Variants in CLASP1 observed in about 807,000 individuals in gnomAD.
The protein encoded by CLASP1 is cytoplasmic linker associated protein 1.
Under a neutral mutation model 192.3 loss-of-function variants are expected in CLASP1, and 38 were observed. The observed-to-expected ratio is 0.20, with a 90% CI of 0.15 to 0.26. The LOEUF is 0.26. Ranked by LOEUF, CLASP1 falls within the 10% of genes least tolerant of loss-of-function variation. The probability of loss-of-function intolerance (pLI) is 1.00; values close to 1 mark genes in which losing one functional copy is unlikely to be tolerated. For synonymous variants in CLASP1, 691 were observed against 712.8 expected, an observed-to-expected ratio of 0.97 and a Z score of 0.49; for missense variants, 1,433 against 1,932.5, an observed-to-expected ratio of 0.74 and a Z score of 4.85.
chr2:121,365,025 CA>C lies in CLASP1; in HGVS notation c.4077+68del, dbSNP rs746617389. On this transcript the variant is annotated intron_variant, in intron 36 of 39. Coordinates refer to ENST00000263710, the Ensembl canonical transcript of CLASP1. ...CAGAAAGTAAAGCTGAAGCTAAGCC[CA>C]ATAAGAAAAGGACATCGTGACCCCA... The C allele has an allele frequency of 8.8e-5, 123 of 1,404,062 alleles. 1 individual carries two copies. In the African/African-American group the frequency reaches 1.5e-3, roughly 17 times the overall value. 87.0% of individuals were successfully genotyped at this position (1,404,062 alleles called of 1,614,324 possible).
chr2:121,517,858 CTTTTTTTTTTTTT>C (rs70954553), intron 6 of CLASP1, among the ~76,000 whole-genome samples: 94 of 30,822 alleles, frequency 3.0e-3, no homozygotes, highest in African/African-American at 0.012. Context: ...AAGACTCAAG[CTTTTTTTTTTTTT>C]TTTTTTTTTT....
intron 30 of CLASP1, among the ~76,000 whole-genome samples, chr2:121,392,701 C>T (rs374810325): frequency 6.6e-6 from 1 of 152,332 alleles, no homozygotes; most frequent in African/African-American, 2.4e-5. Flanking sequence ...CAGAACCCAC[C>T]TTCTTTCTAT....
intron 2 of CLASP1, chr2:121,530,872 TC>T (rs2094778775): frequency 1.5e-6 from 1 of 679,086 alleles, no homozygotes; most frequent in African/African-American, 1.8e-5. Flanking sequence ...CCAGGGACTT[TC>T]TATTATAACC....
rs530609927 is a variant in CLASP1, at chr2:121,439,189, T to C, written c.1912+8148A>G. On this transcript the variant is annotated intron_variant, in intron 19 of 39. Transcript: ENST00000263710. ...ATCAGTGGTGATATCCCCTTTATCA[T>C]TTTTTATTGCGTCTATTTGATTCTT... Among the ~76,000 whole-genome samples the C allele has an allele frequency of 9.1e-4, 139 of 152,328 alleles. 3 individuals carry two copies. The East Asian group carries it at 0.024, about 26-fold the overall frequency.
chr2:121,369,463 T>C (rs1323353344), intron 34 of CLASP1, among the ~76,000 whole-genome samples: 1 of 151,982 alleles, frequency 6.6e-6, no homozygotes, highest in Non-Finnish European at 1.5e-5. Flanking sequence ...AAAAATTATT[T>C]ATAAAAAAGG....
chr2:121,625,874 A>C (rs2068244826), intron 1 of CLASP1, among the ~76,000 whole-genome samples: 1 of 151,856 alleles, frequency 6.6e-6, no homozygotes, highest in African/African-American at 2.4e-5. Context: ...GGCACATCAC[A>C]AGGTCAAGAG....
chr2:121,548,543 A>G (rs116597960), intron 2 of CLASP1, among the ~76,000 whole-genome samples: 1 of 152,176 alleles, frequency 6.6e-6, no homozygotes, highest in Admixed American at 6.5e-5. Context: ...CAAAAGTCAA[A>G]TTCAGGAAAT....
intron 34 of CLASP1, among the ~76,000 whole-genome samples, chr2:121,371,200 AGT>A (rs60214641): frequency 0.01 from 1,540 of 150,368 alleles, 27 homozygotes; most frequent in African/African-American, 0.035. Flanking sequence ...GCACATATTA[AGT>A]GTGTGTGTGT....
intron 22 of CLASP1, among the ~76,000 whole-genome samples, chr2:121,421,546 C>G (rs1325270618): frequency 6.6e-6 from 1 of 151,218 alleles, no homozygotes; most frequent in Non-Finnish European, 1.5e-5. Flanking sequence ...CTGTGCCCAG[C>G]CTATTTTTTA....
chr2:121,452,159 A>G (rs2149805838), intron 14 of CLASP1, among the ~76,000 whole-genome samples: 1 of 152,308 alleles, frequency 6.6e-6, no homozygotes. Flanking sequence ...TTTTTATACT[A>G]TCCTAAGTAA....
intron 2 of CLASP1, among the ~76,000 whole-genome samples, chr2:121,544,190 T>C (rs1014976864): frequency 2.0e-5 from 3 of 152,182 alleles, no homozygotes; most frequent in Non-Finnish European, 2.9e-5. Context: ...ACAAAAAGTG[T>C]GTAACAGAAG....
chr2:121,406,113 T>C (rs184663737), intron 25 of CLASP1, among the ~76,000 whole-genome samples: 5 of 152,252 alleles, frequency 3.3e-5, no homozygotes, highest in Non-Finnish European at 5.9e-5. Context: ...AGTCATCTTA[T>C]AATCAATGAC....
chr2:121,452,992 C>T (rs1248280659), intron 14 of CLASP1, among the ~76,000 whole-genome samples: 3 of 152,050 alleles, frequency 2.0e-5, no homozygotes, highest in African/African-American at 7.2e-5. Flanking sequence ...TACACAATCA[C>T]TCAATAAATC....
At chr2:121,567,330 G>A (rs2059594116) in intron 2 of CLASP1, among the ~76,000 whole-genome samples, 1 of 152,216 alleles carries the variant, frequency 6.6e-6, no homozygotes, top group Non-Finnish European at 1.5e-5. Flanking sequence ...AAGAATAGGG[G>A]GAAGGAGAGT....
At chr2:121,560,175 T>C (rs918488226) in intron 2 of CLASP1, among the ~76,000 whole-genome samples, 2 of 152,130 alleles carry the variant, frequency 1.3e-5, no homozygotes, top group African/African-American at 4.8e-5. Context: ...AAACTTAACA[T>C]ACTATACTTG....
At chr2:121,451,069 T>A (rs886779076) in intron 15 of CLASP1, 79 bp from the exon 16 acceptor site, 1 of 989,524 alleles carries the variant, frequency 1.0e-6, no homozygotes, top group Non-Finnish European at 1.6e-6. Flanking sequence ...GAGAAATAAC[T>A]TCCAAATGGC....
intron 2 of CLASP1, among the ~76,000 whole-genome samples, chr2:121,545,388 G>C (rs145868078): frequency 6.6e-6 from 1 of 151,876 alleles, no homozygotes. Context: ...GGCGGGCACG[G>C]AGCAGACATT....
chr2:121,481,288 T>G (rs1200020129), intron 8 of CLASP1, among the ~76,000 whole-genome samples: 1 of 152,166 alleles, frequency 6.6e-6, no homozygotes, highest in Non-Finnish European at 1.5e-5. Context: ...AAAAATGGGC[T>G]TAAAAGGCCA....
intron 1 of CLASP1, among the ~76,000 whole-genome samples, chr2:121,647,753 G>A (rs1415481640): frequency 1.3e-5 from 2 of 152,174 alleles, no homozygotes; most frequent in Non-Finnish European, 1.5e-5. Context: ...TTCTGTATTT[G>A]CCAATTCAGT....
Sources: allele counts gnomAD v4.1 joint callset (sites outside exome capture counted in the v4.1 genomes callset), GRCh38; gene constraint gnomAD v4.1.1; transcripts MANE v1.5; gene names NCBI Gene and HGNC (gene_info 2026-07-23, HGNC 2026-07-21).